Variants in RILPL2 observed in about 807,000 individuals in gnomAD.
RILPL2 encodes the protein Rab interacting lysosomal protein like 2.
In RILPL2, 19 loss-of-function variants were observed where a neutral mutation model predicts 22.2. The ratio of observed to expected loss-of-function variants is 0.86; its 90% CI spans 0.60 to 1.25. The LOEUF is 1.25. Among genes scored for constraint, RILPL2 ranks in the 50% most tolerant of loss-of-function variants. The pLI, the probability that RILPL2 is intolerant of heterozygous loss-of-function variation, is 0.00. For missense variants in RILPL2, 243 were observed against 263.6 expected (o/e 0.92, Z 0.54); for synonymous variants, 123 against 111.6 (o/e 1.10, Z -0.64).
chr12:123,427,061 T>A (rs1879462632), intron 2 of RILPL2, among the ~76,000 whole-genome samples: 1 of 151,822 alleles, frequency 6.6e-6, no homozygotes, highest in Non-Finnish European at 1.5e-5. Context: ...GCCTCCCAAG[T>A]AGCTGAGACT....
downstream of RILPL2, chr12:123,413,696 C>T (rs543049082): frequency 6.6e-6 from 1 of 152,372 alleles, no homozygotes; most frequent in African/African-American, 2.4e-5. Context: ...CTTTTATTCT[C>T]TTATCTGGCC....
chr12:123,423,017 A>AC (rs779109176), intron 3 of RILPL2, 27 bp downstream of exon 3: 3 of 1,509,586 alleles, frequency 2.0e-6, no homozygotes, highest in South Asian at 1.1e-5. Flanking sequence ...ATTTGGCGGG[A>AC]CCGGGGGGCA....
rs532741115 is a variant in RILPL2, at chr12:123,431,258, G to C, written c.340-599C>G. 3.9e-5 allele frequency among the ~76,000 whole-genome samples: 6 copies of C among 152,242 alleles called. No individual in the cohort carries two copies. In the East Asian group the frequency reaches 1.2e-3, roughly 29 times the overall value. On this transcript the variant is annotated intron_variant, in intron 1 of 3. Coordinates refer to ENST00000280571, the MANE Select transcript of RILPL2 (RefSeq NM_145058.3). ...GAAATTCTGACATGTGCCACAACAT[G>C]AATCAATCTTGAGGACATTGTGCTG...
rs144742334 is a variant in RILPL2, at chr12:123,430,542, G to A, written c.457C>T (p.Leu153=). The change falls in exon 2 of 4, where the codon CTG becomes TTG. Residue 153 remains leucine, a synonymous_variant. Transcript: ENST00000280571. The part of the protein sequence containing the change: ...QERNKLKSQL[L]VVQEELQCYK... ...CACTGCAGCTCTTCCTGCACCACCA[G>A]GAGCTGCGACTTGAGTTTGTTGCGT... 6.2e-7 allele frequency: 1 copy of A among 1,609,084 alleles called. No individual in the cohort carries two copies. The highest frequency in any genetic ancestry group is 2.2e-5 in the East Asian group (1 of 44,484).
At chr12:123,425,959 A>G (rs1879432788) in intron 2 of RILPL2, among the ~76,000 whole-genome samples, 1 of 151,754 alleles carries the variant, frequency 6.6e-6, no homozygotes, top group Admixed American at 6.6e-5. Context: ...GCCATTTCTT[A>G]ATATTGTTAT....
At chr12:123,413,745 G>A (rs1879039992), downstream of RILPL2, 1 of 152,238 alleles carries the variant, frequency 6.6e-6, no homozygotes, top group African/African-American at 2.4e-5. Context: ...CAAGTGGTCT[G>A]TTTTGACAGG....
At chr12:123,423,942 C>T (rs559540232) in intron 2 of RILPL2, among the ~76,000 whole-genome samples, 1 of 152,220 alleles carries the variant, frequency 6.6e-6, no homozygotes, top group African/African-American at 2.4e-5. Flanking sequence ...TGTGAGCCAC[C>T]GTGCCTGACC....
rs1295795283 is a variant in RILPL2 at position 123,430,741 on chromosome 12, T to C, written c.340-82A>G. ...TATTATTATATTTTTAGAAGGAGTC[T>C]CTGTTGCCCAGGCTGGAGTGCCATG... On this transcript the variant is annotated intron_variant, in intron 1 of 3. Coordinates refer to ENST00000280571, the MANE Select transcript of RILPL2 (RefSeq NM_145058.3). 4.7e-6 allele frequency: 5 copies of C among 1,055,016 alleles called. No homozygotes were observed. In the African/African-American group the frequency reaches 5.1e-5, roughly 11 times the overall value. The allele number at this position is 1,055,016 out of a possible 1,614,324, so 65.4% of individuals were successfully genotyped here.
intron 2 of RILPL2, among the ~76,000 whole-genome samples, chr12:123,429,679 T>A (rs1435517343): frequency 6.6e-6 from 1 of 150,848 alleles, no homozygotes; most frequent in Non-Finnish European, 1.5e-5. Context: ...TGATCTCGGC[T>A]CATTGCAACT....
At chr12:123,416,361 C>T (rs1205382245) in intron 3 of RILPL2, among the ~76,000 whole-genome samples, 24 of 151,674 alleles carry the variant, frequency 1.6e-4, no homozygotes, top group Admixed American at 1.4e-3. Flanking sequence ...CCAAAAAACC[C>T]GGGTGCGGTG....
intron 3 of RILPL2, among the ~76,000 whole-genome samples, chr12:123,421,672 T>C (rs1427358628): frequency 7.6e-6 from 1 of 132,244 alleles, no homozygotes; most frequent in East Asian, 2.3e-4. Flanking sequence ...GGGTTATTCC[T>C]TTTTTTTTTT....
chr12:123,419,669 G>C (rs1326834651), intron 3 of RILPL2, among the ~76,000 whole-genome samples: 1 of 149,624 alleles, frequency 6.7e-6, no homozygotes, highest in East Asian at 2.0e-4. Flanking sequence ...GCAGGGGTGT[G>C]ATCTCAGCTC....
chr12:123,419,319 G>A (rs1032900392), intron 3 of RILPL2, among the ~76,000 whole-genome samples: 7 of 152,076 alleles, frequency 4.6e-5, no homozygotes, highest in Non-Finnish European at 5.9e-5. Context: ...TACTGCGCCC[G>A]GCCTACTGAC....
intron 3 of RILPL2, among the ~76,000 whole-genome samples, chr12:123,422,140 T>C (rs1321977867): frequency 2.0e-5 from 3 of 150,900 alleles, no homozygotes; most frequent in East Asian, 1.9e-4. Context: ...TCCTCCTGAG[T>C]AGCTGGGACC....
chr12:123,429,791 G>A (rs1293094354), intron 2 of RILPL2, among the ~76,000 whole-genome samples: 1 of 151,630 alleles, frequency 6.6e-6, no homozygotes, highest in Admixed American at 6.6e-5. Flanking sequence ...ATTTTTAATG[G>A]AGACTGGCCT....
At chr12:123,422,223 A>C (rs1472896497) in intron 3 of RILPL2, among the ~76,000 whole-genome samples, 1 of 106,242 alleles carries the variant, frequency 9.4e-6, no homozygotes, top group Non-Finnish European at 2.1e-5. Context: ...ATACCAGCTA[A>C]TTAAAAAAAA....
intron 2 of RILPL2, among the ~76,000 whole-genome samples, chr12:123,429,237 G>A (rs988029579): frequency 3.9e-5 from 6 of 151,990 alleles, no homozygotes; most frequent in Middle Eastern, 3.4e-3. Flanking sequence ...TGATCCTCCC[G>A]CTTCAGGCTC....
chr12:123,413,717 C>T (rs1879039566), downstream of RILPL2: 1 of 152,218 alleles, frequency 6.6e-6, no homozygotes, highest in Non-Finnish European at 1.5e-5. Context: ...CCACCCACAT[C>T]CTGCTGATTG....
In RILPL2 at chr12:123,436,187, C is replaced by T. The variant is rs758675568; in HGVS notation, c.234G>A (p.Leu78=). 2.5e-6 allele frequency: 4 copies of T among 1,611,180 alleles called. No homozygotes were observed. Among genetic ancestry groups the T allele is most frequent in the African/African-American group, 1.3e-5 (1 of 74,850 alleles). Residue 78 remains leucine, a synonymous_variant, in exon 1 of 4, where the codon CTG becomes CTA. Transcript: ENST00000280571. The surrounding 1 kb of genome is among the most constrained non-coding windows in gnomAD (Gnocchi z 6.7). ...VVRVLEMLEA[L]VNEGSLALEE... ...CCAGCGCCAGGCTGCCCTCATTCAC[C>T]AGCGCCTCCAGCATCTCCAGGACGC...
Sources: gnomAD v4.1 joint callset for allele counts (sites outside exome capture counted in the v4.1 genomes callset) on GRCh38, gnomAD v4.1.1 for gene constraint, Gnocchi (gnomAD v3.1) non-coding constraint, MANE v1.5 for transcripts, NCBI Gene and HGNC (gene_info 2026-07-23, HGNC 2026-07-21) for gene names.